Variants in RBFOX1 observed in about 807,000 individuals in gnomAD.
The protein encoded by RBFOX1 is RNA binding protein fox-1 homolog 1.
A neutral mutation model predicts 57.7 loss-of-function variants in RBFOX1; 8 were observed. The observed-to-expected ratio is 0.14, with a 90% CI of 0.08 to 0.25. RBFOX1 has a LOEUF of 0.25. RBFOX1 is among the 10% of genes least tolerant of loss of function. The pLI is 1.00. For synonymous variants in RBFOX1, 326 were observed against 222.4 expected, an observed-to-expected ratio of 1.47 and a Z score of -4.15; for missense variants, 611 against 548.5, an observed-to-expected ratio of 1.11 and a Z score of -1.14.
At chr16:5,390,697 C>G (rs917380762) in intron 1 of RBFOX1, among the ~76,000 whole-genome samples, 9 of 152,166 alleles carry the variant, frequency 5.9e-5, no homozygotes, top group Non-Finnish European at 8.8e-5. Flanking sequence ...TACCCCTCTA[C>G]CCCATCTCCA....
At chr16:6,281,044 C>T (rs1449397787) in intron 1 of RBFOX1, among the ~76,000 whole-genome samples, 4 of 149,304 alleles carry the variant, frequency 2.7e-5, no homozygotes, top group Non-Finnish European at 5.9e-5. Context: ...ATGCTATCAA[C>T]ATGCAGGTCT....
At chr16:5,989,571 G>A (rs534912643) in intron 4 of RBFOX1, among the ~76,000 whole-genome samples, 4 of 152,020 alleles carry the variant, frequency 2.6e-5, no homozygotes, top group Non-Finnish European at 5.9e-5. Context: ...GCAAGGGCTC[G>A]CCGACCTAGA....
chr16:7,169,006 C>T (rs936015279), intron 4 of RBFOX1, among the ~76,000 whole-genome samples: 5 of 152,114 alleles, frequency 3.3e-5, no homozygotes, highest in East Asian at 1.9e-4. Context: ...TAAACTATAG[C>T]ACAGAAATAT....
chr16:7,396,143 C>A (rs1189273054), intron 4 of RBFOX1, among the ~76,000 whole-genome samples: 1 of 151,948 alleles, frequency 6.6e-6, no homozygotes, highest in Non-Finnish European at 1.5e-5. Flanking sequence ...ATAACCAGGG[C>A]GGAAGGAGGA....
At chr16:6,695,485 A>G (rs778879525) in intron 3 of RBFOX1, among the ~76,000 whole-genome samples, 8 of 151,264 alleles carry the variant, frequency 5.3e-5, no homozygotes, top group African/African-American at 1.9e-4. Flanking sequence ...AATTAAATGT[A>G]TCTGGTCACT....
chr16:7,696,890 A>T (rs1459316850), intron 14 of RBFOX1, among the ~76,000 whole-genome samples: 2 of 152,088 alleles, frequency 1.3e-5, no homozygotes, highest in East Asian at 1.9e-4. Context: ...AGGTGCAGAG[A>T]CCCTGTGGTT....
At chr16:7,596,138 AAAAAAAAAAC>A in intron 8 of RBFOX1, among the ~76,000 whole-genome samples, 1 of 59,346 alleles carries the variant, frequency 1.7e-5, no homozygotes, top group South Asian at 9.1e-4. Flanking sequence ...AAAAAAAACA[AAAAAAAAAAC>A]GAGAGGTTTT....
chr16:6,063,507 C>A (rs7203456), intron 1 of RBFOX1, among the ~76,000 whole-genome samples: 4,906 of 47,038 alleles, frequency 0.1, 207 homozygotes, highest in East Asian at 0.19. Context: ...ACACACACAC[C>A]CCCTTATATT....
chr16:6,528,947 A>G (rs2096618992), intron 2 of RBFOX1, among the ~76,000 whole-genome samples: 1 of 152,212 alleles, frequency 6.6e-6, no homozygotes. Context: ...AAAATTATCC[A>G]TGTTTGAACA....
rs1300141174 is a variant in RBFOX1 at position 6,637,323 on chromosome 16, A to G, written c.-63-17280A>G. Reference sequence around the variant, plus strand: ...TACAAATATATATTATATATTATATATATTATATAATATACAAATATATAT... The same window carrying G: ...TACAAATATATATTATATATTATATGTATTATATAATATACAAATATATAT... On this transcript the variant is annotated intron_variant, in intron 2 of 15. Coordinates refer to ENST00000550418, the MANE Select transcript of RBFOX1 (RefSeq NM_018723.4). Among the ~76,000 whole-genome samples the G allele has an allele frequency of 2.5e-3, 184 of 73,460 alleles. 20 individuals carry two copies. The highest frequency in any genetic ancestry group is 0.011 in the African/African-American group (171 of 15,880). The allele number at this position is 73,460 out of a possible 152,430, so 48.2% of individuals were successfully genotyped here.
intron 1 of RBFOX1, among the ~76,000 whole-genome samples, chr16:5,314,636 G>C (rs1338417612): frequency 6.6e-6 from 1 of 152,098 alleles, no homozygotes; most frequent in Non-Finnish European, 1.5e-5. Context: ...TAGTAGCTGG[G>C]ACTACAGGCA....
At chr16:7,616,620 G>C (rs190413931) in intron 10 of RBFOX1, among the ~76,000 whole-genome samples, 2 of 152,276 alleles carry the variant, frequency 1.3e-5, no homozygotes, top group East Asian at 3.9e-4. Flanking sequence ...CTGGAGTGCA[G>C]GGGCGTTATC....
At chr16:7,210,500 A>T (rs530903019) in intron 4 of RBFOX1, among the ~76,000 whole-genome samples, 1 of 152,216 alleles carries the variant, frequency 6.6e-6, no homozygotes, top group African/African-American at 2.4e-5. Flanking sequence ...TGTTATTCAT[A>T]TCTATAAAAT....
At chr16:7,002,100 A>T (rs942434483) in intron 3 of RBFOX1, among the ~76,000 whole-genome samples, 1 of 151,196 alleles carries the variant, frequency 6.6e-6, no homozygotes, top group African/African-American at 2.4e-5. Context: ...CTATGGAGAA[A>T]TTTTTTTTTC....
At chr16:7,578,643 C>A (rs1446506986) in intron 5 of RBFOX1, among the ~76,000 whole-genome samples, 2 of 152,180 alleles carry the variant, frequency 1.3e-5, no homozygotes, top group Non-Finnish European at 2.9e-5. Context: ...TTCTAGATTG[C>A]TTATAAACAG....
In RBFOX1 at chr16:5,905,916, G is replaced by A. The variant is rs143172670; in HGVS notation, c.351+38581G>A. Among the ~76,000 whole-genome samples the A allele has an allele frequency of 1.1e-4, 17 of 152,310 alleles. No homozygotes were observed. In the East Asian group the frequency reaches 3.3e-3, roughly 29 times the overall value. On this transcript the variant is annotated intron_variant, in intron 4 of 19. Transcript: ENST00000641259. ...TTCATCTCTTTTTCCCGACGATGGA[G>A]GATAAGAAGGTTTTCAGCTCTCTTG...
intron 3 of RBFOX1, among the ~76,000 whole-genome samples, chr16:5,638,096 T>A (rs2048743698): frequency 6.6e-6 from 1 of 152,228 alleles, no homozygotes. Flanking sequence ...TTAGAAAATA[T>A]TACAGAGAAG....
At chr16:6,967,801 C>T (rs993495159) in intron 3 of RBFOX1, among the ~76,000 whole-genome samples, 6 of 152,162 alleles carry the variant, frequency 3.9e-5, no homozygotes, top group Non-Finnish European at 8.8e-5. Context: ...GGTGACCAAG[C>T]CCTGAAACTA....
chr16:7,193,876 ATCT>A (rs1159934920), intron 4 of RBFOX1, among the ~76,000 whole-genome samples: 2 of 152,002 alleles, frequency 1.3e-5, no homozygotes, highest in East Asian at 1.9e-4. Flanking sequence ...ACAGACTAAA[ATCT>A]TCTTGGAGAG....
Sources: gnomAD v4.1 joint callset for allele counts (sites outside exome capture counted in the v4.1 genomes callset) on GRCh38, gnomAD v4.1.1 for gene constraint, MANE v1.5 for transcripts, NCBI Gene and HGNC (gene_info 2026-07-23, HGNC 2026-07-21) for gene names.